ZNF37A: variants seen among roughly 807,000 people sequenced by gnomAD.
The protein encoded by ZNF37A is zinc finger protein 37A, also known as zinc finger protein 37a (KOX 21).
In ZNF37A, 10 loss-of-function variants were observed where a neutral mutation model predicts 12.3. The ratio of observed to expected loss-of-function variants is 0.82; its 90% CI spans 0.50 to 1.38. The LOEUF is 1.38. Among genes scored for constraint, ZNF37A ranks in the 40% most tolerant of loss-of-function variants. The pLI is 0.00. For missense variants in ZNF37A, 580 were observed against 651.2 expected, an observed-to-expected ratio of 0.89 and a Z score of 1.19; for synonymous variants, 207 against 223.0, an observed-to-expected ratio of 0.93 and a Z score of 0.64.
At chr10:38,135,439 A>G (rs1242981502) in intron 7 of ZNF37A, among the ~76,000 whole-genome samples, 2 of 152,254 alleles carry the variant, frequency 1.3e-5, no homozygotes, top group Non-Finnish European at 2.9e-5. Context: ...TCTGTTGTTA[A>G]TGCTACAGAC....
intron 7 of ZNF37A, chr10:38,138,132 C>G (rs577764305): frequency 6.6e-6 from 1 of 152,226 alleles, no homozygotes; most frequent in Non-Finnish European, 1.5e-5. Flanking sequence ...TGTGGTCCCA[C>G]TTTGCAGAGT....
exon 8 of ZNF37A, chr10:38,147,388 G>C (rs1194485054): frequency 2.6e-5 from 4 of 152,202 alleles, no homozygotes; most frequent in Non-Finnish European, 4.4e-5. Flanking sequence ...CTAAGCATGG[G>C]AAGGGTTTCT....
At chr10:38,111,996 C>T (rs1347832839) in intron 5 of ZNF37A, among the ~76,000 whole-genome samples, 1 of 151,134 alleles carries the variant, frequency 6.6e-6, no homozygotes, top group Non-Finnish European at 1.5e-5. Flanking sequence ...CTGCAAGCTC[C>T]GCCTCCCGGG....
At position 38,118,943 on chromosome 10, in the gene ZNF37A, A is replaced by G; in HGVS notation, c.*106A>G. 7.3e-7 allele frequency: 1 copy of G among 1,378,056 alleles called. No individual in the cohort carries two copies. Among genetic ancestry groups the G allele is most frequent in the Non-Finnish European group, 9.4e-7 (1 of 1,068,794 alleles). The allele number at this position is 1,378,056 out of a possible 1,614,324, so 85.4% of individuals were successfully genotyped here. A position where few individuals can be genotyped will look rare whatever the true frequency, so the allele number is the denominator to read the frequency against. On this transcript the variant is annotated 3_prime_UTR_variant, in exon 8 of 8. Coordinates refer to ENST00000685332, the MANE Select transcript of ZNF37A (RefSeq NM_001324250.3). ...GAAGTCAGTTCTCACAGTATAGAAG[A>G]GAACTTAAAGAGGGAAAAAACAATA...
chr10:38,133,710 A>G (rs1319019865), intron 7 of ZNF37A, among the ~76,000 whole-genome samples: 2 of 152,222 alleles, frequency 1.3e-5, no homozygotes, highest in South Asian at 2.1e-4. Context: ...AACCCAGTCT[A>G]TCATTGATGG....
At chr10:38,131,413 C>A (rs1001566569) in intron 7 of ZNF37A, among the ~76,000 whole-genome samples, 3 of 152,126 alleles carry the variant, frequency 2.0e-5, no homozygotes, top group Admixed American at 6.5e-5. Flanking sequence ...GCAAGCAGAT[C>A]TCCAGTTTTC....
chr10:38,133,228 ATTG>A (rs1326743064), intron 7 of ZNF37A, among the ~76,000 whole-genome samples: 4 of 152,062 alleles, frequency 2.6e-5, no homozygotes, highest in African/African-American at 9.7e-5. Flanking sequence ...AATTCTGCCT[ATTG>A]TTCTTTGATT....
chr10:38,145,124 A>G (rs1413361789), intron 7 of ZNF37A, among the ~76,000 whole-genome samples: 1 of 152,180 alleles, frequency 6.6e-6, no homozygotes, highest in African/African-American at 2.4e-5. Context: ...TTGGATGCTA[A>G]ACATACAGGA....
At chr10:38,113,205 ATTTTTTTT>A (rs71007697) in intron 5 of ZNF37A, among the ~76,000 whole-genome samples, 1 of 75,848 alleles carries the variant, frequency 1.3e-5, no homozygotes, top group Non-Finnish European at 2.4e-5. Flanking sequence ...TTAGTCTGTG[ATTTTTTTT>A]TTTTTTTTTT....
At chr10:38,147,447 A>T (rs1339387677) in exon 8 of ZNF37A, 1 of 152,246 alleles carries the variant, frequency 6.6e-6, no homozygotes, top group Non-Finnish European at 1.5e-5. Flanking sequence ...TTAGCAGTTT[A>T]GTAAATAAAA....
At chr10:38,106,601 A>G (rs2068115244) in intron 5 of ZNF37A, among the ~76,000 whole-genome samples, 1 of 152,150 alleles carries the variant, frequency 6.6e-6, no homozygotes, top group Non-Finnish European at 1.5e-5. Context: ...GAAGCTAAGA[A>G]TCTTGATAAA....
At chr10:38,139,537 T>C (rs977905437) in intron 7 of ZNF37A, 18 of 152,156 alleles carry the variant, frequency 1.2e-4, no homozygotes, top group African/African-American at 4.3e-4. Context: ...CCAGCTAATT[T>C]TTGTATTTTT....
intron 1 of ZNF37A, among the ~76,000 whole-genome samples, 175 bp from the exon 2 acceptor site, chr10:38,094,756 C>T (rs1268386981): frequency 6.6e-6 from 1 of 152,236 alleles, no homozygotes; most frequent in Non-Finnish European, 1.5e-5. Context: ...CATTCTTTCC[C>T]CTCAGAATCT....
chr10:38,136,796 A>C lies in ZNF37A; in HGVS notation c.239-9936A>C, dbSNP rs2070113399. 2.0e-5 allele frequency among the ~76,000 whole-genome samples: 3 copies of C among 152,014 alleles called. No individual in the cohort carries two copies. The South Asian group carries it at 6.2e-4, about 32-fold the overall frequency. On this transcript the variant is annotated intron_variant, in intron 7 of 7. Transcript: ENST00000638053. ...CATGCTACATATGTTTGTTTGTTTG[A>C]TGGTATCTCACATATTCCCTAGGCT...
intron 5 of ZNF37A, among the ~76,000 whole-genome samples, chr10:38,101,662 A>G (rs2135892130): frequency 6.6e-6 from 1 of 151,102 alleles, no homozygotes; most frequent in East Asian, 1.9e-4. Flanking sequence ...TTGTCTCAGT[A>G]TAGCCACCCT....
downstream of ZNF37A, among the ~76,000 whole-genome samples, chr10:38,128,759 G>T (rs889189018): frequency 6.6e-6 from 1 of 152,022 alleles, no homozygotes; most frequent in African/African-American, 2.4e-5. Context: ...CTCATTCAAT[G>T]AAGTTCTTTT....
chr10:38,128,102 G>A (rs2069954983), downstream of ZNF37A, among the ~76,000 whole-genome samples: 1 of 152,102 alleles, frequency 6.6e-6, no homozygotes, highest in African/African-American at 2.4e-5. Flanking sequence ...CTAGAAATTT[G>A]CTGTTGGAAA....
intron 5 of ZNF37A, among the ~76,000 whole-genome samples, chr10:38,100,129 C>G (rs1418289313): frequency 6.6e-6 from 1 of 152,038 alleles, no homozygotes; most frequent in Admixed American, 6.6e-5. Context: ...TAGGGAGTTT[C>G]AAAAGGGGAG....
intron 7 of ZNF37A, among the ~76,000 whole-genome samples, chr10:38,133,077 C>T (rs2070054643): frequency 6.6e-6 from 1 of 151,904 alleles, no homozygotes; most frequent in Non-Finnish European, 1.5e-5. Flanking sequence ...TTATTATAGC[C>T]ACTCAGATTT....
Sources: gnomAD v4.1 joint callset for allele counts (sites outside exome capture counted in the v4.1 genomes callset) on GRCh38, gnomAD v4.1.1 for gene constraint, MANE v1.5 for transcripts, NCBI Gene and HGNC (gene_info 2026-07-23, HGNC 2026-07-21) for gene names.